The following ZNF540 variants were observed in gnomAD, a reference collection of about 807,000 sequenced individuals.
ZNF540 encodes the protein zinc finger protein 540, also known as CTD-3064H18.6.
Under a neutral mutation model 11.8 loss-of-function variants are expected in ZNF540, and 3 were observed. The ratio of observed to expected loss-of-function variants is 0.25; its 90% CI spans 0.12 to 0.65. ZNF540 has a LOEUF of 0.65. ZNF540 is among the 30% of genes least tolerant of loss of function. The probability of loss-of-function intolerance (pLI) is 0.83; values close to 1 mark genes in which losing one functional copy is unlikely to be tolerated. For missense variants in ZNF540, 709 were observed against 793.1 expected (o/e 0.89, Z 1.27); for synonymous variants, 247 against 259.0 (o/e 0.95, Z 0.45).
chr19:37,564,611 C>CTTGTATGTTGAGTAAG, intron 1 of ZNF540: 1 of 1,533,762 alleles, frequency 6.5e-7, no homozygotes, highest in Non-Finnish European at 8.8e-7. Context: ...ATTATGAAGC[C>CTTGTATGTTGAGTAAG]TTGTATGTTG....
At chr19:37,608,985 C>G (rs953871748) in intron 4 of ZNF540, among the ~76,000 whole-genome samples, 1 of 152,014 alleles carries the variant, frequency 6.6e-6, no homozygotes, top group Admixed American at 6.5e-5. Flanking sequence ...AGATTGCCAC[C>G]CTCCAGCTTT....
intron 1 of ZNF540, chr19:37,565,210 A>AAGATTAGAATT: frequency 6.2e-7 from 1 of 1,613,604 alleles, no homozygotes; most frequent in Non-Finnish European, 8.5e-7. Flanking sequence ...GATGTTGAAT[A>AAGATTAGAATT]AGATTAGAAT....
intron 1 of ZNF540, among the ~76,000 whole-genome samples, chr19:37,577,449 A>G (rs1025080013): frequency 1.1e-4 from 17 of 152,210 alleles, no homozygotes; most frequent in African/African-American, 3.9e-4. Context: ...AGTATAGGAG[A>G]AGGGAATTTC....
At chr19:37,562,124 T>C (rs1235663111) in intron 1 of ZNF540, among the ~76,000 whole-genome samples, 1 of 152,242 alleles carries the variant, frequency 6.6e-6, no homozygotes, top group Non-Finnish European at 1.5e-5. Context: ...GGCTCATGCC[T>C]ATAATCCCAG....
intron 2 of ZNF540, 117 bp from the exon 3 acceptor site, chr19:37,599,509 C>A: frequency 8.3e-7 from 1 of 1,203,788 alleles, no homozygotes; most frequent in East Asian, 2.5e-5. Flanking sequence ...GCTTTCAGCC[C>A]CAGCCTAGAG....
chr19:37,573,894 T>C (rs2043154671), intron 1 of ZNF540, among the ~76,000 whole-genome samples: 1 of 151,960 alleles, frequency 6.6e-6, no homozygotes, highest in Non-Finnish European at 1.5e-5. Flanking sequence ...CTGCTATTAC[T>C]ACTTTATTCA....
chr19:37,611,762 A>T lies in ZNF540; in HGVS notation c.482A>T (p.Asn161Ile). 1 of 1,614,034 alleles carries T rather than the reference A, an allele frequency of 6.2e-7. No individual in the cohort carries two copies. The highest frequency in any genetic ancestry group is 8.5e-7 in the Non-Finnish European group (1 of 1,179,948). ...TDRKRPSFTL[N>I]QRIHNSEKSC... is the part of the protein sequence containing the mutation. ...AGAAAACGTCCCTCTTTTACTCTGA[A>T]TCAGAGAATTCACAATAGTGAGAAA... is the stretch of plus-strand genomic sequence containing the variant. Residue 161 changes from asparagine to isoleucine, a missense_variant, in exon 5 of 5, where the codon AAT becomes ATT. By Grantham distance (149) the Asn-to-Ile change is moderately radical. Coordinates refer to ENST00000316433, the MANE Select transcript of ZNF540 (RefSeq NM_001172225.3).
chr19:37,599,288 T>C (rs973029781), intron 2 of ZNF540, among the ~76,000 whole-genome samples: 1 of 152,222 alleles, frequency 6.6e-6, no homozygotes, highest in African/African-American at 2.4e-5. Flanking sequence ...TAATAATTTA[T>C]TGAGAATTTT....
upstream of ZNF540, among the ~76,000 whole-genome samples, chr19:37,589,937 G>A (rs1600539748): frequency 6.9e-6 from 1 of 145,930 alleles, no homozygotes; most frequent in Non-Finnish European, 1.5e-5. Context: ...ACAAACTGAG[G>A]AACAATCTAC....
At chr19:37,607,079 T>A (rs1409378225) in intron 4 of ZNF540, among the ~76,000 whole-genome samples, 1 of 152,128 alleles carries the variant, frequency 6.6e-6, no homozygotes, top group Non-Finnish European at 1.5e-5. Context: ...TTTTGCAATA[T>A]TTTATTAGTT....
chr19:37,567,297 G>T (rs2042894987), intron 1 of ZNF540, among the ~76,000 whole-genome samples: 1 of 152,034 alleles, frequency 6.6e-6, no homozygotes, highest in Non-Finnish European at 1.5e-5. Flanking sequence ...CACATTGCTG[G>T]CATTCAATAT....
At chr19:37,558,465 G>A (rs1042298573) in intron 1 of ZNF540, among the ~76,000 whole-genome samples, 4 of 152,062 alleles carry the variant, frequency 2.6e-5, no homozygotes, top group Non-Finnish European at 4.4e-5. Flanking sequence ...CGGTCCTGGT[G>A]ACTCATCATG....
At chr19:37,600,289 G>A (rs1206978338) in intron 3 of ZNF540, among the ~76,000 whole-genome samples, 1 of 152,144 alleles carries the variant, frequency 6.6e-6, no homozygotes, top group Non-Finnish European at 1.5e-5. Context: ...CCTGGGTGGT[G>A]GGATCAAATG....
intron 1 of ZNF540, among the ~76,000 whole-genome samples, chr19:37,587,967 G>A (rs1016194112): frequency 6.6e-6 from 1 of 151,906 alleles, no homozygotes; most frequent in Non-Finnish European, 1.5e-5. Context: ...AGGCATGGTG[G>A]CACATGCCTG....
intron 4 of ZNF540, among the ~76,000 whole-genome samples, chr19:37,609,914 G>A (rs1208581616): frequency 6.6e-6 from 1 of 151,996 alleles, no homozygotes; most frequent in African/African-American, 2.4e-5. Context: ...CCAGTAGGTG[G>A]CTGAATAATA....
At chr19:37,573,000 C>T (rs769729245) in intron 1 of ZNF540, among the ~76,000 whole-genome samples, 1 of 152,176 alleles carries the variant, frequency 6.6e-6, no homozygotes, top group Non-Finnish European at 1.5e-5. Flanking sequence ...TAGCTTCTTT[C>T]ATCACATGAT....
intron 1 of ZNF540, among the ~76,000 whole-genome samples, chr19:37,559,976 G>A (rs1370096678): frequency 2.6e-5 from 4 of 152,134 alleles, no homozygotes; most frequent in African/African-American, 7.2e-5. Flanking sequence ...CAATGAAGGT[G>A]GTTTTTAAAA....
chr19:37,564,707 G>A, intron 1 of ZNF540: 1 of 1,613,614 alleles, frequency 6.2e-7, no homozygotes, highest in South Asian at 1.1e-5. Flanking sequence ...TTGATGCAGA[G>A]TAAGTTCTGA....
At chr19:37,609,883 A>AAAAAACAG (rs1226955436) in intron 4 of ZNF540, among the ~76,000 whole-genome samples, 1 of 152,050 alleles carries the variant, frequency 6.6e-6, no homozygotes, top group East Asian at 1.9e-4. Context: ...AAAGAAAAGA[A>AAAAAACAG]AAAAACAGTA....
Sources: gnomAD v4.1 joint callset for allele counts (sites outside exome capture counted in the v4.1 genomes callset) on GRCh38, gnomAD v4.1.1 for gene constraint, MANE v1.5 for transcripts, NCBI Gene and HGNC (gene_info 2026-07-23, HGNC 2026-07-21) for gene names.